ATP6V0A4: variants seen among roughly 807,000 people sequenced by gnomAD.
ATP6V0A4 encodes the protein V-type proton ATPase 116 kDa subunit a 4.
A neutral mutation model predicts 107.3 loss-of-function variants in ATP6V0A4; 86 were observed. The observed-to-expected ratio is 0.80, with a 90% CI of 0.67 to 0.96. The LOEUF (loss-of-function observed/expected upper bound fraction) is 0.96, where lower values mean the gene tolerates loss of function less well. ATP6V0A4 is among the 40% of genes least tolerant of loss of function. The probability of loss-of-function intolerance (pLI) is 0.00; values close to 1 mark genes in which losing one functional copy is unlikely to be tolerated. For synonymous variants in ATP6V0A4, 353 were observed against 381.4 expected (o/e 0.93, Z 0.87); for missense variants, 908 against 1,045.6 (o/e 0.87, Z 1.81).
At chr7:138,764,290 G>A (rs181000019) in intron 5 of ATP6V0A4, among the ~76,000 whole-genome samples, 21 of 152,030 alleles carry the variant, frequency 1.4e-4, no homozygotes, top group Admixed American at 1.1e-3. Context: ...TGTGGGTACC[G>A]TTATCTTACA....
chr7:138,797,865 TC>T, intron 1 of ATP6V0A4, 168 bp downstream of exon 1: 1 of 876,510 alleles, frequency 1.1e-6, no homozygotes, highest in Non-Finnish European at 1.7e-6. Flanking sequence ...AGCTTGCCCC[TC>T]CCTTCCTTCC....
chr7:138,763,085 C>T, intron 5 of ATP6V0A4, 60 bp from the exon 6 acceptor site: 3 of 1,599,930 alleles, frequency 1.9e-6, no homozygotes, highest in Non-Finnish European at 2.6e-6. Flanking sequence ...TCCTGAAATA[C>T]ATTACCCACA....
chr7:138,748,494 C>T (rs144713724), intron 12 of ATP6V0A4, among the ~76,000 whole-genome samples: 1 of 152,248 alleles, frequency 6.6e-6, no homozygotes, highest in East Asian at 1.9e-4. Context: ...GCAATCTCCG[C>T]CTCCTGGATT....
intron 3 of ATP6V0A4, 124 bp from the exon 4 acceptor site, chr7:138,769,375 C>A: frequency 7.0e-7 from 1 of 1,420,762 alleles, no homozygotes; most frequent in South Asian, 1.4e-5. Context: ...AGGGCAATGG[C>A]GCGATCTCAG....
chr7:138,712,783 C>T (rs376723278), intron 20 of ATP6V0A4, among the ~76,000 whole-genome samples: 53 of 152,014 alleles, frequency 3.5e-4, no homozygotes, highest in Middle Eastern at 6.8e-3. Context: ...GAGGACACCC[C>T]GACACATAGG....
intron 2 of ATP6V0A4, among the ~76,000 whole-genome samples, chr7:138,785,298 T>C (rs1808129416): frequency 6.9e-6 from 1 of 144,202 alleles, no homozygotes; most frequent in Non-Finnish European, 1.5e-5. Flanking sequence ...TTTTTTTGAG[T>C]GGAGTCTTGC....
chr7:138,715,366 A>T (rs1803984608), intron 20 of ATP6V0A4, among the ~76,000 whole-genome samples: 1 of 151,930 alleles, frequency 6.6e-6, no homozygotes, highest in African/African-American at 2.4e-5. Context: ...ATGCCCAGCT[A>T]ATTTTTGTAT....
intron 19 of ATP6V0A4, among the ~76,000 whole-genome samples, chr7:138,716,936 G>C (rs942356637): frequency 6.6e-6 from 1 of 152,064 alleles, no homozygotes; most frequent in Non-Finnish European, 1.5e-5. Flanking sequence ...TATGTAGAAG[G>C]GTTCCCATGC....
intron 2 of ATP6V0A4, among the ~76,000 whole-genome samples, chr7:138,772,535 T>C (rs1298246983): frequency 6.6e-6 from 1 of 152,114 alleles, no homozygotes; most frequent in Non-Finnish European, 1.5e-5. Flanking sequence ...GTCATAAGTG[T>C]GTATTGACAC....
intron 6 of ATP6V0A4, 166 bp from the exon 7 acceptor site, chr7:138,762,600 G>A (rs1421822795): frequency 3.6e-6 from 3 of 830,346 alleles, no homozygotes; most frequent in African/African-American, 3.7e-5. Flanking sequence ...AAGCTTCCCT[G>A]GTCTTTTCCT....
chr7:138,768,384 T>C (rs1563011817), intron 5 of ATP6V0A4, among the ~76,000 whole-genome samples: 1 of 152,046 alleles, frequency 6.6e-6, no homozygotes, highest in Non-Finnish European at 1.5e-5. Flanking sequence ...CCATCTGGAG[T>C]GAGTCCAACT....
chr7:138,769,993 A>G (rs1279275845), intron 3 of ATP6V0A4, among the ~76,000 whole-genome samples: 2 of 152,122 alleles, frequency 1.3e-5, no homozygotes, highest in Non-Finnish European at 2.9e-5. Flanking sequence ...CAAGGCTACA[A>G]TGAGCCGTGA....
Position 138,735,382 on chromosome 7 carries a change from T to TCTCACCTTTCCTGCTAAATGACTTC in ATP6V0A4, c.1573-1129_1573-1128insGAAGTCATTTAGCAGGAAAGGTGAG, listed in dbSNP as rs1385059055. On this transcript the variant is annotated intron_variant, in intron 15 of 21. Coordinates refer to ENST00000310018, the MANE Select transcript of ATP6V0A4 (RefSeq NM_020632.3). ...AAAGGCGACAAGGGCACAATGGCTTTCTCACCTTTTCTGCTAAATGACTTC... is the reference window on the plus strand; with the variant it reads ...AAAGGCGACAAGGGCACAATGGCTTTCTCACCTTTCCTGCTAAATGACTTCCTCACCTTTTCTGCTAAATGACTTC... 7.9e-5 allele frequency among the ~76,000 whole-genome samples: 12 copies of TCTCACCTTTCCTGCTAAATGACTTC among 152,168 alleles called. 1 individual carries two copies. Among genetic ancestry groups the TCTCACCTTTCCTGCTAAATGACTTC allele is most frequent in the Admixed American group, 2.6e-4 (4 of 15,272 alleles).
chr7:138,722,275 C>T (rs1021650784), intron 18 of ATP6V0A4, among the ~76,000 whole-genome samples: 2 of 151,894 alleles, frequency 1.3e-5, no homozygotes, highest in African/African-American at 4.8e-5. Flanking sequence ...TTGTAGTGAG[C>T]GGACATTGTG....
intron 3 of ATP6V0A4, 84 bp downstream of exon 3, chr7:138,771,047 T>C: frequency 7.6e-7 from 1 of 1,320,186 alleles, no homozygotes; most frequent in Non-Finnish European, 1.1e-6. Flanking sequence ...AAAATGGTTA[T>C]TGTTCACCAT....
intron 18 of ATP6V0A4, among the ~76,000 whole-genome samples, chr7:138,723,068 A>AAG (rs910411899): frequency 3.3e-5 from 5 of 151,740 alleles, no homozygotes; most frequent in South Asian, 2.1e-4. Context: ...AAAAAAAAAA[A>AAG]AAAAGAAAAA....
intron 14 of ATP6V0A4, among the ~76,000 whole-genome samples, chr7:138,742,962 T>C (rs1805709571): frequency 6.6e-6 from 1 of 151,530 alleles, no homozygotes; most frequent in East Asian, 1.9e-4. Context: ...CGTTTTATCC[T>C]TCATTTTTCT....
Position 138,736,640 on chromosome 7 carries a change from C to T in ATP6V0A4, c.1573-2386G>A, listed in dbSNP as rs540377936. On this transcript the variant is annotated intron_variant, in intron 15 of 21. Transcript: ENST00000310018. ...AGGCTGGGGTGCAATGGTGCAATCT[C>T]GGCTCACTACAACCTCTGCCTCCCG... is the stretch of plus-strand genomic sequence containing the variant. 1.6e-4 allele frequency among the ~76,000 whole-genome samples: 25 copies of T among 152,040 alleles called. 1 individual carries two copies. Among genetic ancestry groups the T allele is most frequent in the African/African-American group, 5.3e-4 (22 of 41,480 alleles).
chr7:138,788,282 T>C (rs1326169471), intron 1 of ATP6V0A4, among the ~76,000 whole-genome samples: 2 of 152,216 alleles, frequency 1.3e-5, no homozygotes, highest in Non-Finnish European at 2.9e-5. Flanking sequence ...TCTGACCACA[T>C]GCTCAGATTG....
Sources: allele counts gnomAD v4.1 joint callset (sites outside exome capture counted in the v4.1 genomes callset), GRCh38; gene constraint gnomAD v4.1.1; transcripts MANE v1.5; gene names NCBI Gene and HGNC (gene_info 2026-07-23, HGNC 2026-07-21).